Variants in SART3 observed in about 807,000 individuals in gnomAD.
SART3 encodes spliceosome associated factor 3, U4/U6 recycling protein, also known as HIV-1 Tat-interacting protein of 110kDa.
SART3 carries 44 observed loss-of-function variants against 122.3 expected under a neutral mutation model. That is an observed-to-expected ratio of 0.36 (90% CI 0.28 to 0.46). The LOEUF (loss-of-function observed/expected upper bound fraction) is 0.46, where lower values mean the gene tolerates loss of function less well. Ranked by LOEUF, SART3 falls within the 20% of genes least tolerant of loss-of-function variation. SART3 has a pLI of 1.00. For missense variants in SART3, 1,101 were observed against 1,229.0 expected (o/e 0.90, Z 1.56); for synonymous variants, 442 against 454.0 (o/e 0.97, Z 0.34).
chr12:108,543,498 T>C (rs1269385361), intron 5 of SART3, among the ~76,000 whole-genome samples: 3 of 152,222 alleles, frequency 2.0e-5, no homozygotes, highest in African/African-American at 4.8e-5. Flanking sequence ...CATTTTGCAG[T>C]TGAGGAAACT....
chr12:108,528,482 CAAAAAAAAAA>C (rs398039961), intron 15 of SART3, among the ~76,000 whole-genome samples: 1 of 98,512 alleles, frequency 1.0e-5, no homozygotes, highest in Non-Finnish European at 1.9e-5. Flanking sequence ...GACTCCCTCT[CAAAAAAAAAA>C]AAAAAAAAAA....
chr12:108,525,399 A>G, intron 17 of SART3, 58 bp downstream of exon 17: 3 of 1,596,468 alleles, frequency 1.9e-6, no homozygotes, highest in Non-Finnish European at 2.6e-6. Flanking sequence ...TTGAACCGAT[A>G]CAGAAACGAA....
Position 108,523,441 on chromosome 12 carries a change from T to A in SART3, c.*16A>T. 6.2e-7 allele frequency: 1 copy of A among 1,611,846 alleles called. No homozygotes were observed. The highest frequency in any genetic ancestry group is 8.5e-7 in the Non-Finnish European group (1 of 1,179,754). On this transcript the variant is annotated 3_prime_UTR_variant, in exon 19 of 19. Coordinates refer to ENST00000546815, the MANE Select transcript of SART3 (RefSeq NM_014706.4). ...CCAGAGTGAAGTAAGGCATTTCCTG[T>A]CTCCCAGCGTCCCGTTCACTTTCTC...
At chr12:108,560,616 T>G in intron 1 of SART3, 1 of 503,360 alleles carries the variant, frequency 2.0e-6, no homozygotes, top group African/African-American at 2.0e-5. Context: ...TGGGGATAGA[T>G]AACAGGGCTT....
intron 15 of SART3, among the ~76,000 whole-genome samples, chr12:108,529,209 G>T (rs772937989): frequency 6.6e-6 from 1 of 152,236 alleles, no homozygotes; most frequent in Non-Finnish European, 1.5e-5. Flanking sequence ...GACCGGAACT[G>T]GAGGTATTGG....
chr12:108,549,927 C>T (rs59504069), intron 1 of SART3, among the ~76,000 whole-genome samples: 3,720 of 149,034 alleles, frequency 0.025, 147 homozygotes, highest in African/African-American at 0.087. Context: ...TGAAGTGGAT[C>T]ACCTGAGCCT....
intron 13 of SART3, chr12:108,531,675 C>A (rs1015270813): frequency 1.5e-5 from 4 of 269,212 alleles, no homozygotes; most frequent in African/African-American, 2.2e-5. Context: ...AAAATCCAGA[C>A]CAATACCCAC....
intron 4 of SART3, 154 bp from the exon 5 acceptor site, chr12:108,544,632 T>C (rs138601457): frequency 7.8e-5 from 77 of 988,476 alleles, no homozygotes; most frequent in Non-Finnish European, 1.1e-4. Flanking sequence ...GGTGGTGTGA[T>C]CACAACTCAC....
At chr12:108,544,370 C>T (rs1285008201) in intron 5 of SART3, 57 bp downstream of exon 5, 1 of 1,478,378 alleles carries the variant, frequency 6.8e-7, no homozygotes, top group Admixed American at 1.7e-5. Context: ...CATGTTGTTC[C>T]CCAAAGCATT....
chr12:108,525,361 G>C (rs189102014), intron 17 of SART3, 96 bp downstream of exon 17: 1 of 1,322,284 alleles, frequency 7.6e-7, no homozygotes, highest in East Asian at 2.3e-5. Context: ...AGACAAACTA[G>C]GAACCCATTC....
At position 108,560,944 on chromosome 12, in the gene SART3, C is replaced by T. The variant is rs746188229; in HGVS notation, c.211G>A (p.Ala71Thr). 1.1e-5 allele frequency: 18 copies of T among 1,613,872 alleles called. No homozygotes were observed. The highest frequency in any genetic ancestry group is 1.5e-5 in the Non-Finnish European group (18 of 1,179,966). The part of the protein sequence containing the change: ...GVSESDGDEY[A>T]MASSAESSPG... ...GAGCTCTCCGCGGAGGAAGCCATGG[C>T]GTACTCATCCCCATCGCTCTCGCTC... Residue 71 changes from alanine to threonine, a missense_variant, in exon 1 of 19, where the codon GCC (alanine) becomes ACC (threonine). Transcript: ENST00000546815.
At chr12:108,524,001 T>C (rs1872252606) in intron 18 of SART3, 2 of 544,616 alleles carry the variant, frequency 3.7e-6, no homozygotes, top group Non-Finnish European at 6.6e-6. Flanking sequence ...GGCACACACA[T>C]GGGTATGAGA....
chr12:108,556,112 T>C (rs74728343), intron 1 of SART3, among the ~76,000 whole-genome samples: 1 of 152,034 alleles, frequency 6.6e-6, no homozygotes, highest in South Asian at 2.1e-4. Context: ...TTTTTTTTTT[T>C]TGAGTCAGGG....
chr12:108,525,417 C>G, intron 17 of SART3, 40 bp downstream of exon 17: 1 of 1,612,610 alleles, frequency 6.2e-7, no homozygotes, highest in South Asian at 1.1e-5. Flanking sequence ...GAAGTTTGCC[C>G]AAGCCTTGAA....
chr12:108,555,228 C>T (rs1048454168), intron 1 of SART3, among the ~76,000 whole-genome samples: 1 of 152,154 alleles, frequency 6.6e-6, no homozygotes, highest in African/African-American at 2.4e-5. Flanking sequence ...AAAAAAATTA[C>T]ATTTCTATAA....
Position 108,525,553 on chromosome 12 carries a change from A to G in SART3, c.2427T>C (p.Pro809=). 6.2e-7 allele frequency: 1 copy of G among 1,614,200 alleles called. No homozygotes were observed. The highest frequency in any genetic ancestry group is 8.5e-7 in the Non-Finnish European group (1 of 1,180,004). ...EKHKLFISGL[P]FSCTKEELEE... ...CTAGTTCCTCTTTAGTACAGGAGAAAGGCAGGCCTGAGATGAACAGCTTGT... is the reference window on the plus strand; with the variant it reads ...CTAGTTCCTCTTTAGTACAGGAGAAGGGCAGGCCTGAGATGAACAGCTTGT... The change falls in exon 17 of 19, where the codon CCT becomes CCC. Residue 809 remains proline (P), a synonymous_variant. Transcript: ENST00000546815.
rs1217881087 is a variant in SART3, at chr12:108,530,347, G to A, written c.1747-37C>T. On this transcript the variant is annotated intron_variant, in intron 14 of 18. Coordinates refer to ENST00000546815, the MANE Select transcript of SART3 (RefSeq NM_014706.4). ...GGAAGATGATGCATCGCTGGATGTG[G>A]CAATTACATTCACTGTACTGATTTG... is the stretch of plus-strand genomic sequence containing the variant. 3.1e-6 allele frequency: 5 copies of A among 1,607,152 alleles called. No individual in the cohort carries two copies. The African/African-American group carries it at 4.0e-5, about 13-fold the overall frequency.
In SART3 at chr12:108,536,740, G is replaced by A; in HGVS notation, c.1355C>T (p.Ala452Val). Reference sequence around the variant, plus strand: ...CACCTCCTGCTTCAGATACTCCAAGGCACGAGTAAAGGCGGCCCTCAACTC... The same window carrying A: ...CACCTCCTGCTTCAGATACTCCAAGACACGAGTAAAGGCGGCCCTCAACTC... ...LEELRAAFTR[A>V]LEYLKQEVEE... Residue 452 changes from alanine (A) to valine (V), a missense_variant, in exon 10 of 19, where the codon GCC becomes GTC. Coordinates refer to ENST00000546815, the MANE Select transcript of SART3 (RefSeq NM_014706.4). 2 of 1,613,892 alleles carry A rather than the reference G, an allele frequency of 1.2e-6. No individual in the cohort carries two copies. Among genetic ancestry groups the A allele is most frequent in the Non-Finnish European group, 1.7e-6 (2 of 1,179,878 alleles).
chr12:108,536,044 C>T (rs1447636085), intron 11 of SART3, among the ~76,000 whole-genome samples: 1 of 152,188 alleles, frequency 6.6e-6, no homozygotes, highest in Non-Finnish European at 1.5e-5. Context: ...TCTTACTGAC[C>T]TTGGTGTCCC....
Sources: gnomAD v4.1 joint callset for allele counts (sites outside exome capture counted in the v4.1 genomes callset) on GRCh38, gnomAD v4.1.1 for gene constraint, MANE v1.5 for transcripts, NCBI Gene and HGNC (gene_info 2026-07-23, HGNC 2026-07-21) for gene names.